DPYD: variants seen among roughly 807,000 people sequenced by gnomAD.
DPYD encodes the protein dihydropyrimidine dehydrogenase.
In DPYD, 109 loss-of-function variants were observed where a neutral mutation model predicts 116.2. The observed-to-expected ratio is 0.94, with a 90% CI of 0.80 to 1.10. The LOEUF is 1.10. Among genes scored for constraint, DPYD ranks in the 50% least tolerant of loss-of-function variants. The probability of loss-of-function intolerance (pLI) is 0.00; values close to 1 mark genes in which losing one functional copy is unlikely to be tolerated. For missense variants in DPYD, 1,302 were observed against 1,254.5 expected (o/e 1.04, Z -0.57); for synonymous variants, 440 against 432.0 (o/e 1.02, Z -0.23).
chr1:97,273,687 G>A (rs911863416), intron 18 of DPYD, among the ~76,000 whole-genome samples: 1 of 152,046 alleles, frequency 6.6e-6, no homozygotes, highest in Admixed American at 6.6e-5. Context: ...TATGTTTATT[G>A]CTTTTTTGTA....
At chr1:97,606,417 C>CAA (rs955017355) in intron 8 of DPYD, among the ~76,000 whole-genome samples, 2 of 151,894 alleles carry the variant, frequency 1.3e-5, no homozygotes, top group Admixed American at 1.3e-4. Flanking sequence ...GGAGCAGTTA[C>CAA]AAAGGCACTT....
intron 11 of DPYD, among the ~76,000 whole-genome samples, chr1:97,556,048 G>A (rs1273887120): frequency 6.6e-6 from 1 of 152,148 alleles, no homozygotes; most frequent in South Asian, 2.1e-4. Context: ...TGATCATCTT[G>A]CTTCAGAGCC....
intron 8 of DPYD, among the ~76,000 whole-genome samples, chr1:97,664,134 G>A (rs533898881): frequency 3.3e-5 from 5 of 152,056 alleles, no homozygotes; most frequent in African/African-American, 1.2e-4. Flanking sequence ...GCATTAATGT[G>A]GGTGAAATCC....
At chr1:97,213,016 A>C (rs1175972805) in intron 19 of DPYD, among the ~76,000 whole-genome samples, 1 of 152,168 alleles carries the variant, frequency 6.6e-6, no homozygotes, top group East Asian at 1.9e-4. Flanking sequence ...TGTCTGGTGA[A>C]GACTTGCTTC....
At chr1:97,395,966 C>T (rs961094649) in intron 14 of DPYD, among the ~76,000 whole-genome samples, 14 of 152,102 alleles carry the variant, frequency 9.2e-5, no homozygotes, top group African/African-American at 2.4e-4. Flanking sequence ...CAAGTGAGGC[C>T]AGAAGAACCA....
intron 11 of DPYD, among the ~76,000 whole-genome samples, chr1:97,561,340 G>T (rs1434232183): frequency 3.9e-5 from 6 of 152,248 alleles, no homozygotes; most frequent in South Asian, 2.1e-4. Flanking sequence ...TGCCCTTACT[G>T]TTAATTTTCA....
chr1:97,834,905 A>G (rs904780838), intron 2 of DPYD, among the ~76,000 whole-genome samples: 6 of 152,018 alleles, frequency 3.9e-5, no homozygotes, highest in South Asian at 2.1e-4. Context: ...TACTATATTC[A>G]TATTTTTTTA....
chr1:97,681,819 T>C (rs1660442528), intron 7 of DPYD, among the ~76,000 whole-genome samples: 1 of 152,148 alleles, frequency 6.6e-6, no homozygotes, highest in African/African-American at 2.4e-5. Context: ...GGTCCAAACA[T>C]TCTAATAGAA....
chr1:97,529,776 T>C (rs955113894), intron 12 of DPYD, among the ~76,000 whole-genome samples: 37 of 149,724 alleles, frequency 2.5e-4, no homozygotes, highest in African/African-American at 8.6e-4. Flanking sequence ...CTTTCTTCTT[T>C]CTTTCTCTTT....
At chr1:97,262,255 G>T (rs1663936720) in intron 18 of DPYD, among the ~76,000 whole-genome samples, 1 of 152,010 alleles carries the variant, frequency 6.6e-6, no homozygotes, top group Non-Finnish European at 1.5e-5. Flanking sequence ...CGCACACTGG[G>T]CATGACCAGA....
intron 10 of DPYD, among the ~76,000 whole-genome samples, chr1:97,589,205 C>G (rs528061067): frequency 2.6e-4 from 40 of 152,292 alleles, no homozygotes; most frequent in African/African-American, 8.9e-4. Context: ...TTAAAACATT[C>G]CTGAGTCTAA....
intron 5 of DPYD, among the ~76,000 whole-genome samples, chr1:97,710,124 T>G (rs548137055): frequency 6.6e-6 from 1 of 151,844 alleles, no homozygotes; most frequent in East Asian, 1.9e-4. Context: ...AGTGTAGGTC[T>G]AAGATAAATC....
chr1:97,353,666 A>G (rs1570579309), intron 16 of DPYD, among the ~76,000 whole-genome samples: 1 of 150,826 alleles, frequency 6.6e-6, no homozygotes, highest in South Asian at 2.1e-4. Flanking sequence ...TTCTCTTTAG[A>G]AATGAATTTT....
intron 1 of DPYD, among the ~76,000 whole-genome samples, chr1:97,884,184 T>C (rs1419646186): frequency 6.6e-6 from 1 of 152,074 alleles, no homozygotes; most frequent in Non-Finnish European, 1.5e-5. Context: ...TTGTATTTTC[T>C]ACTAATTAGC....
chr1:97,130,634 TTTTCC>T (rs1054640185), intron 20 of DPYD, among the ~76,000 whole-genome samples: 9 of 152,066 alleles, frequency 5.9e-5, no homozygotes, highest in Non-Finnish European at 1.5e-5. Context: ...CCATCTGATC[TTTTCC>T]TTTCCTTTCC....
At chr1:97,119,768 C>T (rs1200548011) in intron 20 of DPYD, among the ~76,000 whole-genome samples, 1 of 152,136 alleles carries the variant, frequency 6.6e-6, no homozygotes, top group Admixed American at 6.6e-5. Flanking sequence ...CTACCACCTG[C>T]CATCCATTAT....
chr1:97,380,744 T>C (rs1671909693), intron 15 of DPYD, among the ~76,000 whole-genome samples: 1 of 152,186 alleles, frequency 6.6e-6, no homozygotes, highest in South Asian at 2.1e-4. Context: ...ATATGTTAGG[T>C]AGTACAGTAA....
chr1:97,396,745 T>G (rs552219006), intron 14 of DPYD, among the ~76,000 whole-genome samples: 1 of 152,116 alleles, frequency 6.6e-6, no homozygotes, highest in African/African-American at 2.4e-5. Flanking sequence ...CACATGTACT[T>G]TTAGATGTCC....
At chr1:97,152,222 CAA>C (rs1655075694) in intron 20 of DPYD, among the ~76,000 whole-genome samples, 1 of 152,052 alleles carries the variant, frequency 6.6e-6, no homozygotes, top group Non-Finnish European at 1.5e-5. Context: ...CAATTATAGC[CAA>C]AGTTTCTACG....
Sources: gnomAD v4.1 joint callset for allele counts (sites outside exome capture counted in the v4.1 genomes callset) on GRCh38, gnomAD v4.1.1 for gene constraint, MANE v1.5 for transcripts, NCBI Gene and HGNC (gene_info 2026-07-23, HGNC 2026-07-21) for gene names.